The following CELF4 variants were observed in gnomAD, a reference collection of about 807,000 sequenced individuals.
CELF4 encodes the protein CUGBP Elav-like family member 4, also known as CUG-BP- and ETR-3-like factor 4.
CELF4 carries 18 observed loss-of-function variants against 59.9 expected under a neutral mutation model. The ratio of observed to expected loss-of-function variants is 0.30; its 90% CI spans 0.21 to 0.45. CELF4 has a LOEUF of 0.45. Among genes scored for constraint, CELF4 ranks in the 20% least tolerant of loss-of-function variants. The pLI, the probability that CELF4 is intolerant of heterozygous loss-of-function variation, is 1.00. For missense variants in CELF4, 456 were observed against 689.0 expected, an observed-to-expected ratio of 0.66 and a Z score of 3.79; for synonymous variants, 261 against 267.1, an observed-to-expected ratio of 0.98 and a Z score of 0.22.
At position 37,398,628 on chromosome 18, in the gene CELF4, G is replaced by T. The variant is rs189018879; in HGVS notation, c.370-76747C>A. Among the ~76,000 whole-genome samples the T allele has an allele frequency of 3.2e-4, 49 of 152,248 alleles. No homozygotes were observed. In the East Asian group the frequency reaches 8.3e-3, roughly 26 times the overall value. On this transcript the variant is annotated intron_variant, in intron 2 of 12. Coordinates refer to ENST00000420428, the MANE Select transcript of CELF4 (RefSeq NM_020180.4). Reference sequence around the variant, plus strand: ...TCACCCTCCTCCCTGGCCCACAGAGGTCCTCCCAAGGAGGCCTGTTGGTGA... The same window carrying T: ...TCACCCTCCTCCCTGGCCCACAGAGTTCCTCCCAAGGAGGCCTGTTGGTGA...
intron 2 of CELF4, among the ~76,000 whole-genome samples, chr18:37,474,469 T>C (rs965772765): frequency 6.6e-5 from 10 of 152,222 alleles, no homozygotes; most frequent in Non-Finnish European, 1.2e-4. Flanking sequence ...GGACGGTTCC[T>C]GCCCTCATGC....
intron 2 of CELF4, among the ~76,000 whole-genome samples, chr18:37,370,809 C>A (rs776928365): frequency 6.6e-6 from 1 of 152,310 alleles, no homozygotes; most frequent in South Asian, 2.1e-4. Context: ...AATCCTTCAG[C>A]GTGCTAACCA....
At chr18:37,460,482 G>A (rs1206130271) in intron 2 of CELF4, among the ~76,000 whole-genome samples, 1 of 152,224 alleles carries the variant, frequency 6.6e-6, no homozygotes, top group Non-Finnish European at 1.5e-5. Context: ...ATGGCCAGAA[G>A]TTCAGCTTGT....
chr18:37,269,263 G>T (rs952093495), intron 8 of CELF4, among the ~76,000 whole-genome samples: 1 of 152,064 alleles, frequency 6.6e-6, no homozygotes, highest in Non-Finnish European at 1.5e-5. Flanking sequence ...GACTCCTCTG[G>T]CCTCTTCTTG....
intron 2 of CELF4, among the ~76,000 whole-genome samples, chr18:37,430,799 T>C (rs2099644643): frequency 6.6e-6 from 1 of 152,204 alleles, no homozygotes; most frequent in Non-Finnish European, 1.5e-5. Context: ...CTGAGCAAAG[T>C]GCACTCCCAC....
At chr18:37,287,079 C>T (rs1039705721) in intron 3 of CELF4, among the ~76,000 whole-genome samples, 2 of 152,132 alleles carry the variant, frequency 1.3e-5, no homozygotes, top group Non-Finnish European at 2.9e-5. Flanking sequence ...CCCTGGCTGC[C>T]ATGGAAATCA....
At chr18:37,366,426 C>T (rs2098783823) in intron 2 of CELF4, among the ~76,000 whole-genome samples, 1 of 152,190 alleles carries the variant, frequency 6.6e-6, no homozygotes, top group South Asian at 2.1e-4. Context: ...TAGATGGCTC[C>T]TATTCCATTT....
intron 3 of CELF4, among the ~76,000 whole-genome samples, chr18:37,296,463 T>C (rs1008178518): frequency 1.3e-5 from 2 of 152,228 alleles, no homozygotes; most frequent in Non-Finnish European, 2.9e-5. Context: ...ACCAAAGCAC[T>C]GGGATTACAG....
rs567880249 is a variant in CELF4, at chr18:37,352,914, G to A, written c.370-31033C>T. Among the ~76,000 whole-genome samples, 105 of 152,234 alleles carry A rather than the reference G, an allele frequency of 6.9e-4. 1 individual carries two copies. Among genetic ancestry groups the A allele is most frequent in the Middle Eastern group, 3.4e-3 (1 of 294 alleles). ...GCCATTGGTGCCCGAATGCACCAGAGGCTGGGAGAACAAGAACCCTTTCTT... is the reference window on the plus strand; with the variant it reads ...GCCATTGGTGCCCGAATGCACCAGAAGCTGGGAGAACAAGAACCCTTTCTT... On this transcript the variant is annotated intron_variant, in intron 2 of 12. Coordinates refer to ENST00000420428, the MANE Select transcript of CELF4 (RefSeq NM_020180.4).
intron 2 of CELF4, among the ~76,000 whole-genome samples, chr18:37,356,239 G>A (rs1398052373): frequency 6.6e-6 from 1 of 152,216 alleles, no homozygotes; most frequent in Admixed American, 6.5e-5. Context: ...AAAATAGTAT[G>A]TGGCACTCAT....
rs141316300 is a variant in CELF4, at chr18:37,376,652, G to C, written c.370-54771C>G. 1.4e-4 allele frequency among the ~76,000 whole-genome samples: 22 copies of C among 152,322 alleles called. No individual in the cohort carries two copies. The East Asian group carries it at 4.2e-3, about 29-fold the overall frequency. On this transcript the variant is annotated intron_variant, in intron 2 of 12. Transcript: ENST00000420428. Reference sequence around the variant, plus strand: ...AGTGTGGGGCTCTGGGTGAACGCAGGAATCTTGGGGTCTGGCCTCACCTTG... The same window carrying C: ...AGTGTGGGGCTCTGGGTGAACGCAGCAATCTTGGGGTCTGGCCTCACCTTG...
chr18:37,347,255 G>T (rs1237169142), intron 2 of CELF4, among the ~76,000 whole-genome samples: 1 of 152,058 alleles, frequency 6.6e-6, no homozygotes, highest in African/African-American at 2.4e-5. Context: ...AGTCTCCAAG[G>T]TCTCCCTGCC....
chr18:37,266,660 C>G, intron 8 of CELF4, 62 bp from the exon 9 acceptor site: 7 of 1,331,114 alleles, frequency 5.3e-6, no homozygotes, highest in Non-Finnish European at 7.3e-6. Context: ...TCCCCTCATG[C>G]CCATGGGGAC....
chr18:37,281,519 G>T (rs1483753509), intron 3 of CELF4, among the ~76,000 whole-genome samples: 1 of 152,182 alleles, frequency 6.6e-6, no homozygotes, highest in African/African-American at 2.4e-5. Context: ...GAATGCTGGG[G>T]TCAGGGACCA....
intron 2 of CELF4, among the ~76,000 whole-genome samples, chr18:37,352,945 G>GCTCT (rs2098472881): frequency 2.6e-5 from 4 of 152,108 alleles, no homozygotes; most frequent in African/African-American, 7.2e-5. Flanking sequence ...TTCTTGGCCG[G>GCTCT]GCGCGGTAGC....
rs2067123077 is a variant in CELF4 at position 37,253,795 on chromosome 18, A to T, written c.*16T>A. The T allele has an allele frequency of 2.5e-6, 4 of 1,573,896 alleles. No individual in the cohort carries two copies. Among genetic ancestry groups the T allele is most frequent in the Non-Finnish European group, 3.5e-6 (4 of 1,158,662 alleles). Reference sequence around the variant, plus strand: ...TGCGAGTCCTGGTCTCCCCCGGGGGACGCTCCCGCCGGCGCTCAGTACGGG... The same window carrying T: ...TGCGAGTCCTGGTCTCCCCCGGGGGTCGCTCCCGCCGGCGCTCAGTACGGG... On this transcript the variant is annotated 3_prime_UTR_variant, in exon 12 of 13. Coordinates refer to ENST00000420428, the MANE Select transcript of CELF4 (RefSeq NM_020180.4). The surrounding 1 kb of genome is among the most constrained non-coding windows in gnomAD (Gnocchi z 4.5).
intron 2 of CELF4, among the ~76,000 whole-genome samples, chr18:37,439,617 G>T (rs2099705584): frequency 6.6e-6 from 1 of 152,024 alleles, no homozygotes; most frequent in African/African-American, 2.4e-5. Flanking sequence ...GGAGCCCTTG[G>T]GGACCTCCAC....
chr18:37,259,970 A>T, intron 10 of CELF4, among the ~76,000 whole-genome samples: 1 of 152,234 alleles, frequency 6.6e-6, no homozygotes, highest in African/African-American at 2.4e-5. Flanking sequence ...TTACCACAGT[A>T]ACAGCCCTGC....
intron 2 of CELF4, among the ~76,000 whole-genome samples, chr18:37,403,421 C>T (rs2099352091): frequency 6.6e-6 from 1 of 152,132 alleles, no homozygotes. Flanking sequence ...GAGGCCACCC[C>T]TCCCCTGTGG....
Sources: gnomAD v4.1 joint callset for allele counts (sites outside exome capture counted in the v4.1 genomes callset) on GRCh38, gnomAD v4.1.1 for gene constraint, Gnocchi (gnomAD v3.1) non-coding constraint, MANE v1.5 for transcripts, NCBI Gene and HGNC (gene_info 2026-07-23, HGNC 2026-07-21) for gene names.